The following DLGAP2 variants were observed in gnomAD, a reference collection of about 807,000 sequenced individuals.
DLGAP2 encodes the protein DLG associated protein 2.
In DLGAP2, 26 loss-of-function variants were observed where a neutral mutation model predicts 100.3. The ratio of observed to expected loss-of-function variants is 0.26; its 90% CI spans 0.19 to 0.36. DLGAP2 has a LOEUF of 0.36. Ranked by LOEUF, DLGAP2 falls within the 10% of genes least tolerant of loss-of-function variation. The pLI, the probability that DLGAP2 is intolerant of heterozygous loss-of-function variation, is 1.00. For synonymous variants in DLGAP2, 886 were observed against 630.1 expected (o/e 1.41, Z -6.08); for missense variants, 1,858 against 1,453.2 (o/e 1.28, Z -4.53).
At chr8:1,271,256 TGA>T (rs1799576777) in intron 3 of DLGAP2, among the ~76,000 whole-genome samples, 1 of 152,178 alleles carries the variant, frequency 6.6e-6, no homozygotes. Context: ...CACCCAGCAC[TGA>T]GAGACCTCCA....
intron 1 of DLGAP2, among the ~76,000 whole-genome samples, chr8:881,701 T>TGGA (rs1797800943): frequency 1.1e-5 from 1 of 88,004 alleles, no homozygotes; most frequent in African/African-American, 4.2e-5. Context: ...TTTTTTTTAG[T>TGGA]AGAGACAGGG....
At chr8:1,211,648 G>T (rs1798106316) in intron 2 of DLGAP2, among the ~76,000 whole-genome samples, 1 of 152,162 alleles carries the variant, frequency 6.6e-6, no homozygotes. Flanking sequence ...GGCCAAGGTG[G>T]GTGGATCACC....
At chr8:1,168,929 TG>T (rs1442620135) in intron 2 of DLGAP2, among the ~76,000 whole-genome samples, 1 of 134,380 alleles carries the variant, frequency 7.4e-6, no homozygotes, top group African/African-American at 2.8e-5. Context: ...CCATTGCTTT[TG>T]GTGTTTTAGA....
At chr8:766,153 C>T (rs1293838924) in intron 1 of DLGAP2, among the ~76,000 whole-genome samples, 4 of 152,108 alleles carry the variant, frequency 2.6e-5, no homozygotes, top group African/African-American at 4.8e-5. Flanking sequence ...AGTGACAGAG[C>T]GAGACTCTGT....
At chr8:906,366 C>T (rs1294881234) in intron 1 of DLGAP2, among the ~76,000 whole-genome samples, 1 of 152,216 alleles carries the variant, frequency 6.6e-6, no homozygotes, top group East Asian at 1.9e-4. Context: ...CTTTTCAGAC[C>T]TGGTGGATCA....
chr8:1,278,714 A>G (rs73670705), intron 3 of DLGAP2, among the ~76,000 whole-genome samples: 2,367 of 152,318 alleles, frequency 0.016, 58 homozygotes, highest in African/African-American at 0.054. Context: ...GGCATAGGCA[A>G]TTATAACTGC....
intron 3 of DLGAP2, among the ~76,000 whole-genome samples, chr8:1,364,303 G>A (rs6989471): frequency 0.33 from 50,112 of 152,018 alleles, 9,211 homozygotes; most frequent in East Asian, 0.77. Flanking sequence ...TCCAGGTGGG[G>A]ACAGAGCTGG....
intron 2 of DLGAP2, among the ~76,000 whole-genome samples, chr8:1,236,350 G>A (rs1351662038): frequency 1.5e-4 from 9 of 58,694 alleles, no homozygotes; most frequent in African/African-American, 5.9e-4. Flanking sequence ...GCCGTGTCTA[G>A]TTCTCTCCCA....
At chr8:1,183,916 A>G (rs1797445524) in intron 2 of DLGAP2, among the ~76,000 whole-genome samples, 1 of 152,256 alleles carries the variant, frequency 6.6e-6, no homozygotes, top group Non-Finnish European at 1.5e-5. Context: ...AAATAGGAAT[A>G]ATAGCATTTA....
chr8:1,333,946 G>A (rs1004905853), intron 3 of DLGAP2, among the ~76,000 whole-genome samples: 4 of 152,238 alleles, frequency 2.6e-5, no homozygotes, highest in Non-Finnish European at 4.4e-5. Context: ...GCGCATATGC[G>A]GTGGCACAGG....
intron 3 of DLGAP2, among the ~76,000 whole-genome samples, chr8:1,491,775 A>G (rs1473484218): frequency 6.6e-6 from 1 of 152,226 alleles, no homozygotes; most frequent in African/African-American, 2.4e-5. Context: ...GTGCCTTTCT[A>G]CTTCAGCACT....
chr8:1,309,161 G>A (rs186584720), intron 3 of DLGAP2, among the ~76,000 whole-genome samples: 1 of 152,112 alleles, frequency 6.6e-6, no homozygotes, highest in East Asian at 1.9e-4. Flanking sequence ...AAAGGGAAAA[G>A]AGAACGAAAT....
rs1563133680 is a variant in DLGAP2 at position 1,417,156 on chromosome 8, G to GGGTGGGGAGACCGTC, written c.107-84210_107-84209insGGTGGGGAGACCGTC. On this transcript the variant is annotated intron_variant, in intron 3 of 14. Transcript: ENST00000637795. ...GCGTCTGAGGCGGGGGAGACTCTGA[G>GGGTGGGGAGACCGTC]TGAAGGGGAAGCCCCCGTTCATTTA... 2.6e-4 allele frequency among the ~76,000 whole-genome samples: 22 copies of GGGTGGGGAGACCGTC among 85,658 alleles called. 2 individuals are homozygous for GGGTGGGGAGACCGTC. The highest frequency in any genetic ancestry group is 1.2e-3 in the African/African-American group (20 of 17,108). 56.2% of individuals were successfully genotyped at this position (85,658 alleles called of 152,430 possible).
chr8:783,692 A>G (rs1821761695), intron 1 of DLGAP2, among the ~76,000 whole-genome samples: 2 of 152,088 alleles, frequency 1.3e-5, no homozygotes, highest in African/African-American at 2.4e-5. Flanking sequence ...GTCTTTGCCT[A>G]CTGTGTTCTC....
At chr8:1,180,487 C>T (rs1160672356) in intron 2 of DLGAP2, among the ~76,000 whole-genome samples, 1 of 152,244 alleles carries the variant, frequency 6.6e-6, no homozygotes, top group Non-Finnish European at 1.5e-5. Flanking sequence ...AGCCACCGTG[C>T]CCAGCTCTTA....
chr8:939,039 G>A (rs1038386142), intron 2 of DLGAP2, among the ~76,000 whole-genome samples: 3 of 152,224 alleles, frequency 2.0e-5, no homozygotes, highest in African/African-American at 7.2e-5. Context: ...TGCAGAAAGC[G>A]GGATCACGGC....
chr8:986,244 C>T (rs1476343414), intron 2 of DLGAP2, among the ~76,000 whole-genome samples: 1 of 152,164 alleles, frequency 6.6e-6, no homozygotes, highest in African/African-American at 2.4e-5. Context: ...GTAGGGAGAG[C>T]TGTGTCAGCC....
At chr8:1,261,264 A>C (rs1344817346) in intron 3 of DLGAP2, among the ~76,000 whole-genome samples, 68 of 108,220 alleles carry the variant, frequency 6.3e-4, no homozygotes, top group South Asian at 1.7e-3. Flanking sequence ...ACAAGACAGA[A>C]TGGGAGGGCA....
chr8:1,522,304 T>C (rs575898607), intron 4 of DLGAP2, among the ~76,000 whole-genome samples: 43 of 152,364 alleles, frequency 2.8e-4, no homozygotes, highest in African/African-American at 1.0e-3. Flanking sequence ...CTGTGTCTTC[T>C]GTGTTGAAAT....
Sources: gnomAD v4.1 joint callset for allele counts (sites outside exome capture counted in the v4.1 genomes callset) on GRCh38, gnomAD v4.1.1 for gene constraint, MANE v1.5 for transcripts, NCBI Gene and HGNC (gene_info 2026-07-23, HGNC 2026-07-21) for gene names.